Variants in SND1 observed in about 807,000 individuals in gnomAD.
The protein encoded by SND1 is staphylococcal nuclease and tudor domain containing 1.
A neutral mutation model predicts 121.7 loss-of-function variants in SND1; 38 were observed. The observed-to-expected ratio is 0.31, with a 90% CI of 0.24 to 0.41. The LOEUF (loss-of-function observed/expected upper bound fraction) is 0.41. SND1 is among the 10% of genes least tolerant of loss of function. SND1 has a pLI of 1.00. For missense variants in SND1, 868 were observed against 1,184.6 expected, an observed-to-expected ratio of 0.73 and a Z score of 3.92; for synonymous variants, 401 against 447.4, an observed-to-expected ratio of 0.90 and a Z score of 1.31.
rs1797643683 is a variant in SND1 at position 127,777,534 on chromosome 7, G to A, written c.1153-29950G>A. Among the ~76,000 whole-genome samples the A allele has an allele frequency of 1.3e-5, 2 of 152,184 alleles. 1 individual carries two copies. The highest frequency in any genetic ancestry group is 4.1e-4 in the South Asian group (2 of 4,830). ...ATATTTGGGGATGGAGACAAGGTCA[G>A]GAATGGACAGTAGGGACATGATAGC... is the stretch of plus-strand genomic sequence containing the variant. On this transcript the variant is annotated intron_variant, in intron 10 of 23. Coordinates refer to ENST00000354725, the MANE Select transcript of SND1 (RefSeq NM_014390.4).
chr7:127,653,128 G>A (rs989189477), intron 1 of SND1, among the ~76,000 whole-genome samples: 1 of 152,222 alleles, frequency 6.6e-6, no homozygotes, highest in African/African-American at 2.4e-5. Flanking sequence ...TGGAGCCATA[G>A]CAAGAGCCCA....
intron 10 of SND1, among the ~76,000 whole-genome samples, chr7:127,757,893 AT>A (rs1797225617): frequency 6.6e-6 from 1 of 152,026 alleles, no homozygotes; most frequent in Admixed American, 6.6e-5. Flanking sequence ...TGTGTTCTTA[AT>A]TTCTTTGTGT....
intron 16 of SND1, chr7:127,997,546 A>T (rs1802694842): frequency 2.8e-6 from 1 of 361,392 alleles, no homozygotes. Context: ...CCATTTGCTC[A>T]TGTATGTCTA....
intron 11 of SND1, among the ~76,000 whole-genome samples, chr7:127,828,570 C>A (rs1220802529): frequency 6.6e-6 from 1 of 152,084 alleles, no homozygotes; most frequent in Non-Finnish European, 1.5e-5. Flanking sequence ...CATGATGCTT[C>A]TTTTACTGCC....
chr7:127,742,171 A>C (rs1207543719), intron 10 of SND1, among the ~76,000 whole-genome samples: 1 of 152,210 alleles, frequency 6.6e-6, no homozygotes, highest in African/African-American at 2.4e-5. Flanking sequence ...TTAGTGTGAA[A>C]GTCTGCATGA....
intron 14 of SND1, among the ~76,000 whole-genome samples, chr7:127,920,600 G>A (rs192894555): frequency 7.9e-5 from 12 of 152,250 alleles, no homozygotes; most frequent in Admixed American, 3.3e-4. Flanking sequence ...ATTCATGGAA[G>A]CTTTTCTATA....
In SND1 at chr7:128,089,725, C is replaced by G. The variant is rs370564937; in HGVS notation, c.2622+33C>G. The G allele has an allele frequency of 4.4e-6, 7 of 1,582,118 alleles. No individual in the cohort carries two copies. In the South Asian group the frequency reaches 7.8e-5, roughly 18 times the overall value. On this transcript the variant is annotated intron_variant, in intron 22 of 23. Coordinates refer to ENST00000354725, the MANE Select transcript of SND1 (RefSeq NM_014390.4). ...ATGTGGAGAGGCGGCCCCAGCATTG[C>G]GCCACCACCCTCACAGAGAAAGGGA...
chr7:128,028,504 AAT>A, intron 16 of SND1: 2 of 647,868 alleles, frequency 3.1e-6, no homozygotes, highest in Non-Finnish European at 5.0e-6. Context: ...CAAGTTAGAA[AAT>A]ATTTTTGTTT....
chr7:127,908,170 A>G (rs999561315), intron 14 of SND1, among the ~76,000 whole-genome samples: 2 of 152,032 alleles, frequency 1.3e-5, no homozygotes, highest in Admixed American at 6.6e-5. Flanking sequence ...TTGGCCCTCT[A>G]GACCGGGCGT....
Position 128,081,477 on chromosome 7 carries a change from T to A in SND1, c.2086T>A (p.Phe696Ile). The A allele has an allele frequency of 6.2e-7, 1 of 1,614,074 alleles. No individual in the cohort carries two copies. The highest frequency in any genetic ancestry group is 1.1e-5 in the South Asian group (1 of 91,086). The change falls in exon 18 of 24, where the codon TTC (phenylalanine) becomes ATC (isoleucine). Residue 696 changes from phenylalanine (F) to isoleucine (I), a missense_variant. Around this residue, in one of 2 missense-constraint regions of SND1, gnomAD observed 743 missense variants for 1,071.3 expected, o/e 0.69. Transcript: ENST00000354725. ...FVTEITDDLH[F>I]YVQDVETGTQ... is the part of the protein sequence containing the mutation. The stretch of plus-strand genomic sequence containing the variant: ...GACTGAGATCACTGATGACCTGCAC[T>A]TCTACGTGCAGGATGTGGAGACCGG...
rs189796353 is a variant in SND1, at chr7:127,945,445, C to T, written c.1669+16116C>T. 1.8e-3 allele frequency among the ~76,000 whole-genome samples: 271 copies of T among 151,876 alleles called. 1 individual carries two copies. The highest frequency in any genetic ancestry group is 6.2e-3 in the African/African-American group (255 of 41,368). On this transcript the variant is annotated intron_variant, in intron 15 of 23. Coordinates refer to ENST00000354725, the MANE Select transcript of SND1 (RefSeq NM_014390.4). ...GGCGGAGCTTGCAGTGAGCCGAGAT[C>T]GCACCACTGCACTCCAGCCTGGGTG... is the stretch of plus-strand genomic sequence containing the variant.
At chr7:127,722,953 C>T (rs369215549) in intron 10 of SND1, among the ~76,000 whole-genome samples, 3 of 152,312 alleles carry the variant, frequency 2.0e-5, no homozygotes, top group South Asian at 4.1e-4. Flanking sequence ...AGAGTAAATA[C>T]ACATCTCCAA....
chr7:127,903,142 A>G (rs540634392), intron 13 of SND1, among the ~76,000 whole-genome samples: 1 of 151,956 alleles, frequency 6.6e-6, no homozygotes, highest in African/African-American at 2.4e-5. Flanking sequence ...TCGGCCTCCC[A>G]AAGTGCTGAG....
At position 128,029,186 on chromosome 7, in the gene SND1, C is replaced by T. The variant is rs375494923; in HGVS notation, c.1779+38130C>T. The T allele has an allele frequency of 9.3e-6, 15 of 1,613,900 alleles. No individual in the cohort carries two copies. The Admixed American group carries it at 1.5e-4, about 16-fold the overall frequency. On this transcript the variant is annotated intron_variant, in intron 16 of 23. Transcript: ENST00000354725. The surrounding 1 kb of genome is among the most constrained non-coding windows in gnomAD (Gnocchi z 4.2). The stretch of plus-strand genomic sequence containing the variant: ...GCACCGTGGTAGAGGTGGTATATGC[C>T]GGCTGGTAACCAGTGGACGTGGTAG...
At chr7:127,755,599 C>G (rs770923377) in intron 10 of SND1, among the ~76,000 whole-genome samples, 8 of 152,234 alleles carry the variant, frequency 5.3e-5, no homozygotes, top group Non-Finnish European at 8.8e-5. Context: ...AATTTAAAAT[C>G]TCTTGCTGCT....
intron 16 of SND1, among the ~76,000 whole-genome samples, chr7:128,046,006 C>T (rs1792939433): frequency 6.6e-6 from 1 of 152,204 alleles, no homozygotes; most frequent in Non-Finnish European, 1.5e-5. Flanking sequence ...CACTCCTAAA[C>T]CACTATGTGA....
chr7:127,904,292 A>C (rs1466932188), intron 13 of SND1: 1 of 155,308 alleles, frequency 6.4e-6, no homozygotes. Context: ...ATTCAGGGCA[A>C]CTTATCTTTT....
At chr7:127,753,984 A>C (rs117758756) in intron 10 of SND1, among the ~76,000 whole-genome samples, 2,032 of 152,330 alleles carry the variant, frequency 0.013, 15 homozygotes, top group Non-Finnish European at 0.02. Flanking sequence ...TTGAACGCTC[A>C]GAGCCTATTT....
chr7:127,877,419 T>C lies in SND1; in HGVS notation c.1344-10483T>C, dbSNP rs532388203. The stretch of plus-strand genomic sequence containing the variant: ...TCTATCTTATCTTCCTCTGCCCGTT[T>C]GTTGTTCTTTCCTGAGATCTCAGGT... On this transcript the variant is annotated intron_variant, in intron 12 of 23. Transcript: ENST00000354725. 2.6e-5 allele frequency among the ~76,000 whole-genome samples: 4 copies of C among 152,232 alleles called. No individual in the cohort carries two copies. In the South Asian group the frequency reaches 8.3e-4, roughly 32 times the overall value.
Sources: allele counts gnomAD v4.1 joint callset (sites outside exome capture counted in the v4.1 genomes callset), GRCh38; gene constraint gnomAD v4.1.1; regional missense constraint gnomAD v4.1.1; non-coding constraint Gnocchi (gnomAD v3.1); transcripts MANE v1.5; gene names NCBI Gene and HGNC (gene_info 2026-07-23, HGNC 2026-07-21).